The following PEAK1 variants were observed in gnomAD, a reference collection of about 807,000 sequenced individuals.
The protein encoded by PEAK1 is inactive tyrosine-protein kinase PEAK1.
PEAK1 carries 54 observed loss-of-function variants against 124.7 expected under a neutral mutation model. That is an observed-to-expected ratio of 0.43 (90% confidence interval 0.35 to 0.54). PEAK1 has a LOEUF of 0.54. Ranked by LOEUF, PEAK1 falls within the 20% of genes least tolerant of loss-of-function variation. The pLI, the probability that PEAK1 is intolerant of heterozygous loss-of-function variation, is 0.01. For missense variants in PEAK1, 2,046 were observed against 2,134.5 expected, an observed-to-expected ratio of 0.96 and a Z score of 0.82; for synonymous variants, 719 against 760.0, an observed-to-expected ratio of 0.95 and a Z score of 0.89.
At position 77,249,529 on chromosome 15, in the gene PEAK1, C is replaced by T. The variant is rs558301500; in HGVS notation, c.-115+2838G>A. ...TGATTCTATTCTCTCTTCAAAGTCA[C>T]GGTAGATTATAAATTTTGGACACAA... On this transcript the variant is annotated intron_variant, in intron 6 of 9. Coordinates refer to ENST00000682557, the MANE Select transcript of PEAK1 (RefSeq NM_001385026.1). 4.6e-5 allele frequency among the ~76,000 whole-genome samples: 7 copies of T among 152,188 alleles called. No individual in the cohort carries two copies. In the East Asian group the frequency reaches 1.2e-3, roughly 25 times the overall value.
intron 2 of PEAK1, among the ~76,000 whole-genome samples, chr15:77,328,147 C>G (rs1022417210): frequency 6.6e-6 from 1 of 152,054 alleles, no homozygotes; most frequent in Non-Finnish European, 1.5e-5. Context: ...CCCATTAGTA[C>G]ATAAATATTT....
intron 7 of PEAK1, among the ~76,000 whole-genome samples, chr15:77,169,330 G>A (rs1272679540): frequency 6.6e-6 from 1 of 152,202 alleles, no homozygotes. Flanking sequence ...TGGGCAATTT[G>A]TGTTGGGAGG....
rs1389052357 is a variant in PEAK1 at position 77,355,908 on chromosome 15, T to C, written c.-603+9255A>G. 7 of 985,190 alleles carry C rather than the reference T, an allele frequency of 7.1e-6. No individual in the cohort carries two copies. The East Asian group carries it at 4.5e-4, about 64-fold the overall frequency. 61.0% of individuals were successfully genotyped at this position (985,190 alleles called of 1,614,324 possible). On this transcript the variant is annotated intron_variant, in intron 2 of 9. Coordinates refer to ENST00000682557, the MANE Select transcript of PEAK1 (RefSeq NM_001385026.1). The stretch of plus-strand genomic sequence containing the variant: ...GAGAGAACTCAGAAAAACCCCTGGG[T>C]TGACTAGGACCCCTGTGTGTGGAAT...
In PEAK1 at chr15:77,337,298, T is replaced by C. The variant is rs16968787; in HGVS notation, c.-603+27865A>G. ...AGTATGCCAAGACAAGAAGTTTATT[T>C]TGAAAGGTGCCAGGAATGGTATTTC... On this transcript the variant is annotated intron_variant, in intron 2 of 9. Coordinates refer to ENST00000682557, the MANE Select transcript of PEAK1 (RefSeq NM_001385026.1). 1,011 of 985,052 alleles carry C rather than the reference T, an allele frequency of 1.0e-3. 5 individuals carry two copies. The African/African-American group carries it at 0.016, about 15-fold the overall frequency. 61.0% of individuals were successfully genotyped at this position (985,052 alleles called of 1,614,324 possible).
intron 2 of PEAK1, among the ~76,000 whole-genome samples, chr15:77,330,352 A>G (rs1365020859): frequency 2.0e-5 from 3 of 152,196 alleles, no homozygotes; most frequent in Non-Finnish European, 4.4e-5. Flanking sequence ...CCATGATTCC[A>G]TAACAGCTCC....
At chr15:77,189,145 G>A (rs1181731781) in intron 6 of PEAK1, among the ~76,000 whole-genome samples, 3 of 152,134 alleles carry the variant, frequency 2.0e-5, no homozygotes, top group Admixed American at 6.5e-5. Flanking sequence ...AGGTTGCAGT[G>A]AGCCGAGATC....
intron 6 of PEAK1, among the ~76,000 whole-genome samples, chr15:77,186,935 C>T (rs1007954077): frequency 1.6e-4 from 25 of 152,170 alleles, no homozygotes; most frequent in Admixed American, 1.5e-3. Flanking sequence ...TCAACACCAA[C>T]GCTCCCCAAA....
At chr15:77,277,360 T>C (rs147509635) in intron 5 of PEAK1, among the ~76,000 whole-genome samples, 1,849 of 152,214 alleles carry the variant, frequency 0.012, 43 homozygotes, top group African/African-American at 0.041. Context: ...AGGGATATCA[T>C]TGGGTTAAGG....
intron 6 of PEAK1, among the ~76,000 whole-genome samples, chr15:77,203,214 G>T (rs556605934): frequency 6.6e-6 from 1 of 151,964 alleles, no homozygotes; most frequent in East Asian, 1.9e-4. Context: ...AGAGGAGGTG[G>T]AAGGGGACGT....
intron 1 of PEAK1, chr15:77,371,546 T>C (rs1597477945): frequency 2.5e-6 from 2 of 806,484 alleles, no homozygotes; most frequent in East Asian, 1.3e-4. Flanking sequence ...ACCATCATCA[T>C]CATGACATTT....
chr15:77,257,223 G>A (rs1046787595), intron 5 of PEAK1, among the ~76,000 whole-genome samples: 44 of 151,796 alleles, frequency 2.9e-4, no homozygotes, highest in Admixed American at 1.4e-3. Flanking sequence ...ATGATTTATA[G>A]TCCTTTGGGT....
intron 2 of PEAK1, among the ~76,000 whole-genome samples, chr15:77,303,407 C>T (rs1297589375): frequency 3.9e-5 from 6 of 152,204 alleles, no homozygotes; most frequent in Admixed American, 3.9e-4. Context: ...TACTCCACAT[C>T]CTCACCAGAA....
chr15:77,121,087 A>C (rs981880531), intron 9 of PEAK1, among the ~76,000 whole-genome samples: 4 of 151,680 alleles, frequency 2.6e-5, no homozygotes, highest in Non-Finnish European at 4.4e-5. Context: ...AATTTTTTTC[A>C]ATTTTATTTT....
intron 5 of PEAK1, among the ~76,000 whole-genome samples, chr15:77,278,015 T>C (rs1334401972): frequency 6.6e-6 from 1 of 152,148 alleles, no homozygotes; most frequent in Non-Finnish European, 1.5e-5. Context: ...CTTGGGGTGA[T>C]TATGATGTCT....
intron 1 of PEAK1, chr15:77,381,404 C>T: frequency 1.1e-6 from 1 of 879,016 alleles, no homozygotes; most frequent in Non-Finnish European, 1.4e-6. Flanking sequence ...TCAGTTTGGG[C>T]AACATAGTGA....
intron 2 of PEAK1, chr15:77,335,861 G>C: frequency 8.1e-6 from 8 of 985,306 alleles, no homozygotes; most frequent in Non-Finnish European, 8.4e-6. Context: ...AATTCAAAGA[G>C]ACTTGACAAC....
chr15:77,208,153 A>G lies in PEAK1; in HGVS notation c.-114-26113T>C, dbSNP rs118094012. ...TACTATATACAGTGCTTCAGGTACT[A>G]CTATGTATGACGCATCTTTAATTCA... On this transcript the variant is annotated intron_variant, in intron 6 of 9. Transcript: ENST00000682557. 3.9e-5 allele frequency among the ~76,000 whole-genome samples: 6 copies of G among 152,336 alleles called. No individual in the cohort carries two copies. The East Asian group carries it at 5.8e-4, about 15-fold the overall frequency.
chr15:77,318,019 A>T (rs1313330335), intron 2 of PEAK1, among the ~76,000 whole-genome samples: 1 of 152,172 alleles, frequency 6.6e-6, no homozygotes, highest in Non-Finnish European at 1.5e-5. Context: ...GTTGCCAGGG[A>T]CCAGGAATTG....
At chr15:77,313,343 T>C (rs979686458) in intron 2 of PEAK1, among the ~76,000 whole-genome samples, 1 of 152,164 alleles carries the variant, frequency 6.6e-6, no homozygotes, top group African/African-American at 2.4e-5. Context: ...TATAAATAAC[T>C]AAGTAAATAA....
Sources: gnomAD v4.1 joint callset for allele counts (sites outside exome capture counted in the v4.1 genomes callset) on GRCh38, gnomAD v4.1.1 for gene constraint, MANE v1.5 for transcripts, NCBI Gene and HGNC (gene_info 2026-07-23, HGNC 2026-07-21) for gene names.